NTSR1: variants seen among roughly 807,000 people sequenced by gnomAD.
NTSR1 encodes the protein neurotensin receptor 1.
Under a neutral mutation model 31.2 loss-of-function variants are expected in NTSR1, and 29 were observed. The observed-to-expected ratio is 0.93, with a 90% confidence interval of 0.69 to 1.27. The LOEUF (loss-of-function observed/expected upper bound fraction) is 1.27. Among genes scored for constraint, NTSR1 ranks in the 50% most tolerant of loss-of-function variants. NTSR1 has a pLI of 0.00. For synonymous variants in NTSR1, 282 were observed against 269.9 expected (o/e 1.04, Z -0.44); for missense variants, 697 against 595.4 (o/e 1.17, Z -1.78).
At position 62,742,751 on chromosome 20, in the gene NTSR1, G is replaced by A. The variant is rs774510688; in HGVS notation, c.715-11934G>A. On this transcript the variant is annotated intron_variant, in intron 1 of 3. Transcript: ENST00000370501. The surrounding 1 kb of genome is among the most constrained non-coding windows in gnomAD (Gnocchi z 7.1). ...TCACTCCTGGAAAGCGCTGGGCTGT[G>A]TCACCTTAAAGACCCCTTTGCTCTC... is the stretch of plus-strand genomic sequence containing the variant. 8.7e-5 allele frequency among the ~76,000 whole-genome samples: 13 copies of A among 149,202 alleles called. No individual in the cohort carries two copies. The highest frequency in any genetic ancestry group is 8.8e-5 in the Non-Finnish European group (6 of 68,004).
intron 1 of NTSR1, among the ~76,000 whole-genome samples, chr20:62,720,885 AC>A (rs1317881373): frequency 6.6e-6 from 1 of 152,080 alleles, no homozygotes; most frequent in African/African-American, 2.4e-5. Flanking sequence ...TCCCTCTTTA[AC>A]CTTTGTGTTA....
In NTSR1 at chr20:62,758,372, C is replaced by T. The variant is rs1172638233; in HGVS notation, c.1007+16C>T. 6.2e-7 allele frequency: 1 copy of T among 1,610,698 alleles called. No individual in the cohort carries two copies. Among genetic ancestry groups the T allele is most frequent in the Non-Finnish European group, 8.5e-7 (1 of 1,177,512 alleles). On this transcript the variant is annotated intron_variant, in intron 3 of 3. Coordinates refer to ENST00000370501, the MANE Select transcript of NTSR1 (RefSeq NM_002531.3). This position sits in a 1 kb window ranked among gnomAD's most constrained non-coding sequence, Gnocchi z 4.5. ...AGTGGACTCCGTGAGTACCGGGAAC[C>T]AGGAAGTTGGGTGCTGGACAAGTAA...
intron 1 of NTSR1, among the ~76,000 whole-genome samples, chr20:62,719,967 G>A (rs1396619681): frequency 6.6e-6 from 1 of 152,118 alleles, no homozygotes; most frequent in Non-Finnish European, 1.5e-5. Context: ...AAAACCATCC[G>A]GGCCTGGAGT....
At chr20:62,750,712 A>AC (rs1375940789) in intron 1 of NTSR1, among the ~76,000 whole-genome samples, 9 of 149,666 alleles carry the variant, frequency 6.0e-5, no homozygotes, top group African/African-American at 2.2e-4. Context: ...AAAAAAAAAA[A>AC]CAATACTGCA....
chr20:62,727,480 G>A (rs1463926778), intron 1 of NTSR1, among the ~76,000 whole-genome samples: 2 of 152,230 alleles, frequency 1.3e-5, no homozygotes, highest in African/African-American at 4.8e-5. Context: ...ACTGCCGGCG[G>A]GTCTGGAGCC....
intron 1 of NTSR1, among the ~76,000 whole-genome samples, chr20:62,746,743 A>G (rs935500577): frequency 6.6e-6 from 1 of 152,342 alleles, no homozygotes; most frequent in South Asian, 2.1e-4. Context: ...GAAAGGACCA[A>G]TAACAAAGAA....
At position 62,709,030 on chromosome 20, in the gene NTSR1, A is replaced by T. The variant is rs1013993867; in HGVS notation, c.-178A>T. 42 of 471,412 alleles carry T rather than the reference A, an allele frequency of 8.9e-5. No individual in the cohort carries two copies. The highest frequency in any genetic ancestry group is 8.2e-4 in the African/African-American group (40 of 48,730). The allele number at this position is 471,412 out of a possible 1,614,324, so 29.2% of individuals were successfully genotyped here. On this transcript the variant is annotated 5_prime_UTR_variant, in exon 1 of 4. Transcript: ENST00000370501. ...GAGGAGAGCGGAGCCCGGAGCCCGG[A>T]GCCCGGGGCGGCGCGTCTGGGTCTG... is the stretch of plus-strand genomic sequence containing the variant.
intron 1 of NTSR1, among the ~76,000 whole-genome samples, chr20:62,738,975 G>T (rs941390746): frequency 1.3e-5 from 2 of 152,234 alleles, no homozygotes; most frequent in African/African-American, 4.8e-5. Context: ...GCTGGGACTT[G>T]TCGCCTCCCC....
In NTSR1 at chr20:62,754,865, C is replaced by A; in HGVS notation, c.895C>A (p.Arg299=). Residue 299 remains arginine (R), a synonymous_variant, in exon 2 of 4, where the codon CGG becomes AGG. Coordinates refer to ENST00000370501, the MANE Select transcript of NTSR1 (RefSeq NM_002531.3). ...CGAGCCTGGCAGGGTCCAGGCCCTGCGGCACGGCGTGCGCGTCCTACGTAC... is the reference window on the plus strand; with the variant it reads ...CGAGCCTGGCAGGGTCCAGGCCCTGAGGCACGGCGTGCGCGTCCTACGTAC... The part of the protein sequence containing the change: ...AIEPGRVQAL[R]HGVRVLRAVV... The A allele has an allele frequency of 6.2e-7, 1 of 1,603,116 alleles. No individual in the cohort carries two copies. The highest frequency in any genetic ancestry group is 1.1e-5 in the South Asian group (1 of 90,912).
intron 1 of NTSR1, among the ~76,000 whole-genome samples, chr20:62,740,951 C>T (rs1036802041): frequency 6.6e-6 from 1 of 152,178 alleles, no homozygotes; most frequent in Non-Finnish European, 1.5e-5. Context: ...TGAAAAGCAA[C>T]TCGCCACCCC....
intron 1 of NTSR1, among the ~76,000 whole-genome samples, chr20:62,717,832 T>A (rs1988759590): frequency 6.6e-6 from 1 of 152,190 alleles, no homozygotes; most frequent in South Asian, 2.1e-4. Context: ...GTTCTGGCCC[T>A]TTGAACTCAC....
intron 1 of NTSR1, among the ~76,000 whole-genome samples, chr20:62,737,137 T>A (rs747474042): frequency 5.3e-5 from 8 of 152,194 alleles, no homozygotes; most frequent in Non-Finnish European, 1.0e-4. Flanking sequence ...CTGGGCCCAG[T>A]CTTTCCCGGA....
intron 1 of NTSR1, among the ~76,000 whole-genome samples, chr20:62,754,473 T>G (rs893797089): frequency 6.6e-6 from 1 of 152,038 alleles, no homozygotes; most frequent in African/African-American, 2.4e-5. Flanking sequence ...AGAGGCAGGG[T>G]CGGGGGCAGG....
intron 1 of NTSR1, 149 bp from the exon 2 acceptor site, chr20:62,754,536 C>G: frequency 1.4e-6 from 1 of 692,666 alleles, no homozygotes; most frequent in East Asian, 2.6e-5. Flanking sequence ...TCCGGGCAGC[C>G]GGGATAGGGC....
At chr20:62,747,416 C>T (rs193197623) in intron 1 of NTSR1, among the ~76,000 whole-genome samples, 77 of 139,208 alleles carry the variant, frequency 5.5e-4, no homozygotes, top group African/African-American at 2.0e-3. Flanking sequence ...GCTAACACCA[C>T]ACTCAGTGTA....
At position 62,742,125 on chromosome 20, in the gene NTSR1, G is replaced by A. The variant is rs888018285; in HGVS notation, c.715-12560G>A. Among the ~76,000 whole-genome samples, 14 of 149,540 alleles carry A rather than the reference G, an allele frequency of 9.4e-5. 1 individual carries two copies. Among genetic ancestry groups the A allele is most frequent in the Admixed American group, 1.3e-4 (2 of 14,878 alleles). Reference sequence around the variant, plus strand: ...AGAGCTCTCTGATGGAGGCGTGGACGGGGTCGTGAGGGGCCAAGTACTAGC... The same window carrying A: ...AGAGCTCTCTGATGGAGGCGTGGACAGGGTCGTGAGGGGCCAAGTACTAGC... On this transcript the variant is annotated intron_variant, in intron 1 of 3. Coordinates refer to ENST00000370501, the MANE Select transcript of NTSR1 (RefSeq NM_002531.3). This position sits in a 1 kb window ranked among gnomAD's most constrained non-coding sequence, Gnocchi z 7.1.
Position 62,758,004 on chromosome 20 carries a change from G to GCC in NTSR1, c.917-262_917-261insCC, listed in dbSNP as rs1989541549. Reference sequence around the variant, plus strand: ...AGGTGCAGTGGGTCTCTGAGCCCACGTCTCTGTGCCTCAGGTGCAGTGGGT... The same window carrying GCC: ...AGGTGCAGTGGGTCTCTGAGCCCACGCCTCTCTGTGCCTCAGGTGCAGTGGGT... On this transcript the variant is annotated intron_variant, in intron 2 of 3. Transcript: ENST00000370501. This position sits in a 1 kb window ranked among gnomAD's most constrained non-coding sequence, Gnocchi z 4.5. Among the ~76,000 whole-genome samples, 10 of 148,420 alleles carry GCC rather than the reference G, an allele frequency of 6.7e-5. No individual in the cohort carries two copies. The highest frequency in any genetic ancestry group is 2.5e-4 in the African/African-American group (10 of 39,808).
At chr20:62,731,956 C>A (rs1989008197) in intron 1 of NTSR1, among the ~76,000 whole-genome samples, 1 of 152,154 alleles carries the variant, frequency 6.6e-6, no homozygotes, top group Non-Finnish European at 1.5e-5. Context: ...CCCATCTCTA[C>A]TAAAAATACA....
chr20:62,751,549 T>C (rs1391062178), intron 1 of NTSR1, among the ~76,000 whole-genome samples: 1 of 152,358 alleles, frequency 6.6e-6, no homozygotes, highest in Non-Finnish European at 1.5e-5. Flanking sequence ...CTCTAAAAGG[T>C]AGGAAAACGG....
Sources: allele counts gnomAD v4.1 joint callset (sites outside exome capture counted in the v4.1 genomes callset), GRCh38; gene constraint gnomAD v4.1.1; non-coding constraint Gnocchi (gnomAD v3.1); transcripts MANE v1.5; gene names NCBI Gene and HGNC (gene_info 2026-07-23, HGNC 2026-07-21).